PREX2: variants seen among roughly 807,000 people sequenced by gnomAD.
PREX2 encodes the protein phosphatidylinositol-3,4,5-trisphosphate dependent Rac exchange factor 2.
In PREX2, 107 loss-of-function variants were observed where a neutral mutation model predicts 203.2. The observed-to-expected ratio is 0.53, with a 90% CI of 0.45 to 0.62. The LOEUF (loss-of-function observed/expected upper bound fraction) is 0.62. Among genes scored for constraint, PREX2 ranks in the 20% least tolerant of loss-of-function variants. The probability of loss-of-function intolerance (pLI) is 0.00; values close to 1 mark genes in which losing one functional copy is unlikely to be tolerated. For missense variants in PREX2, 1,777 were observed against 1,955.9 expected (o/e 0.91, Z 1.72); for synonymous variants, 672 against 663.6 (o/e 1.01, Z -0.19).
chr8:68,116,114 C>T (rs1402891320), intron 26 of PREX2, among the ~76,000 whole-genome samples, 182 bp downstream of exon 26: 1 of 152,180 alleles, frequency 6.6e-6, no homozygotes, highest in Non-Finnish European at 1.5e-5. Flanking sequence ...TCAAATCCTT[C>T]CCTTTTCTAA....
At chr8:68,154,430 C>T (rs1030229994) in intron 34 of PREX2, among the ~76,000 whole-genome samples, 11 of 152,164 alleles carry the variant, frequency 7.2e-5, no homozygotes, top group African/African-American at 2.4e-4. Flanking sequence ...ATATTAATTA[C>T]CTTGACCAAA....
At chr8:68,118,744 T>A in intron 27 of PREX2, 100 bp downstream of exon 27, 1 of 898,612 alleles carries the variant, frequency 1.1e-6, no homozygotes, top group Non-Finnish European at 1.9e-6. Flanking sequence ...TTTTTATTTT[T>A]ACCTTTTATC....
At chr8:67,959,419 G>T (rs183855710) in intron 1 of PREX2, among the ~76,000 whole-genome samples, 11 of 152,248 alleles carry the variant, frequency 7.2e-5, no homozygotes, top group African/African-American at 2.4e-4. Flanking sequence ...CAAGGAGTTT[G>T]GTGGTAACTG....
At chr8:68,115,021 C>CTTTTTTTTTTTTTTTTT (rs5892137) in intron 25 of PREX2, among the ~76,000 whole-genome samples, 13 of 86,860 alleles carry the variant, frequency 1.5e-4, no homozygotes, top group African/African-American at 2.8e-4. Flanking sequence ...TCTTTTCTTT[C>CTTTTTTTTTTTTTTTTT]TTTTTTTTTT....
chr8:68,060,568 T>C, intron 10 of PREX2, 111 bp from the exon 11 acceptor site: 1 of 689,216 alleles, frequency 1.5e-6, no homozygotes, highest in South Asian at 1.9e-5. Flanking sequence ...TTGCAAATAT[T>C]CCTTTATATT....
chr8:67,976,576 C>G (rs796312597), intron 1 of PREX2, among the ~76,000 whole-genome samples: 226 of 43,588 alleles, frequency 5.2e-3, no homozygotes, highest in Middle Eastern at 0.022. Context: ...GAGACAGAGA[C>G]AGAGAGAGAG....
At position 68,019,643 on chromosome 8, in the gene PREX2, A is replaced by T; in HGVS notation, c.308A>T (p.Gln103Leu). Residue 103 changes from glutamine to leucine, a missense_variant, in exon 3 of 40, where the codon CAA becomes CTA. By Grantham distance (113) the Gln-to-Leu change is moderately radical. Transcript: ENST00000288368. Reference sequence around the variant, plus strand: ...TTACACCCCGAACCTAATGCTCAACAAGAAGTGGGAACCTGCTTTCTTCAC... The same window carrying T: ...TTACACCCCGAACCTAATGCTCAACTAGAAGTGGGAACCTGCTTTCTTCAC... The part of the protein sequence containing the change: ...ECLHPEPNAQ[Q>L]EVGTCFLHFK... 6.2e-7 allele frequency: 1 copy of T among 1,612,168 alleles called. No individual in the cohort carries two copies. Among genetic ancestry groups the T allele is most frequent in the South Asian group, 1.1e-5 (1 of 90,430 alleles).
chr8:67,955,234 T>TCC (rs1263827351), intron 1 of PREX2, among the ~76,000 whole-genome samples: 2 of 150,462 alleles, frequency 1.3e-5, no homozygotes, highest in Admixed American at 6.6e-5. Context: ...GCCCTCTCTC[T>TCC]CCTCAATTCC....
intron 35 of PREX2, among the ~76,000 whole-genome samples, chr8:68,167,371 C>G (rs1252070298): frequency 6.6e-6 from 1 of 151,128 alleles, no homozygotes; most frequent in Non-Finnish European, 1.5e-5. Flanking sequence ...CTCTGTCACC[C>G]AGGCTGGAGT....
intron 36 of PREX2, 64 bp from the exon 37 acceptor site, chr8:68,192,271 C>A: frequency 1.5e-6 from 2 of 1,296,306 alleles, no homozygotes; most frequent in Non-Finnish European, 2.1e-6. Context: ...ACAGCTATAC[C>A]AACCTATCTA....
chr8:68,127,261 C>A, intron 30 of PREX2, 117 bp from the exon 31 acceptor site: 1 of 701,362 alleles, frequency 1.4e-6, no homozygotes, highest in South Asian at 2.3e-5. Flanking sequence ...AAAACCACAA[C>A]TACTTTTGCA....
intron 1 of PREX2, among the ~76,000 whole-genome samples, chr8:67,979,505 A>G (rs1806205190): frequency 6.6e-6 from 1 of 152,172 alleles, no homozygotes; most frequent in Non-Finnish European, 1.5e-5. Context: ...TCATATGGAA[A>G]AGTTTGACTC....
chr8:68,211,204 TATC>T (rs755553010), intron 37 of PREX2, among the ~76,000 whole-genome samples: 7 of 152,204 alleles, frequency 4.6e-5, no homozygotes, highest in East Asian at 3.8e-4. Flanking sequence ...CAAAGAATGT[TATC>T]AGCAAATGCC....
At chr8:68,231,016 C>T (rs1217902513) in intron 39 of PREX2, among the ~76,000 whole-genome samples, 1 of 152,066 alleles carries the variant, frequency 6.6e-6, no homozygotes, top group Admixed American at 6.5e-5. Context: ...TTCCTGGAAT[C>T]CAGAGAGTAG....
At chr8:67,994,549 A>G (rs1806709536) in intron 1 of PREX2, among the ~76,000 whole-genome samples, 1 of 152,200 alleles carries the variant, frequency 6.6e-6, no homozygotes, top group Admixed American at 6.6e-5. Flanking sequence ...TTCTCCCATA[A>G]TAATAAACAA....
intron 6 of PREX2, among the ~76,000 whole-genome samples, chr8:68,037,116 C>T (rs1808057027): frequency 6.6e-6 from 1 of 151,948 alleles, no homozygotes; most frequent in Non-Finnish European, 1.5e-5. Context: ...AAACTATTAT[C>T]AGTGATTATT....
At chr8:68,011,018 C>G (rs1807241901) in intron 1 of PREX2, among the ~76,000 whole-genome samples, 1 of 152,062 alleles carries the variant, frequency 6.6e-6, no homozygotes, top group Non-Finnish European at 1.5e-5. Flanking sequence ...TTTATTAAAA[C>G]AAATTTTAAA....
chr8:68,203,584 T>C (rs1812550191), intron 37 of PREX2, among the ~76,000 whole-genome samples: 1 of 152,144 alleles, frequency 6.6e-6, no homozygotes, highest in Non-Finnish European at 1.5e-5. Context: ...CACTTTGGGT[T>C]TTAGGAGCAG....
chr8:68,067,950 T>A (rs549690566), intron 11 of PREX2, among the ~76,000 whole-genome samples: 1 of 152,264 alleles, frequency 6.6e-6, no homozygotes, highest in South Asian at 2.1e-4. Flanking sequence ...TAATGCTTTT[T>A]CTGCTTCTAT....
Sources: allele counts gnomAD v4.1 joint callset (sites outside exome capture counted in the v4.1 genomes callset), GRCh38; gene constraint gnomAD v4.1.1; transcripts MANE v1.5; gene names NCBI Gene and HGNC (gene_info 2026-07-23, HGNC 2026-07-21).